HIPK2: variants seen among roughly 807,000 people sequenced by gnomAD.
HIPK2 encodes the protein homeodomain interacting protein kinase 2, also known as homeodomain-interacting protein kinase 2.
HIPK2 carries 27 observed loss-of-function variants against 113.7 expected under a neutral mutation model. The ratio of observed to expected loss-of-function variants is 0.24; its 90% CI spans 0.17 to 0.33. The LOEUF is 0.33. HIPK2 is among the 10% of genes least tolerant of loss of function. The pLI is 1.00. For missense variants in HIPK2, 1,257 were observed against 1,588.0 expected, an observed-to-expected ratio of 0.79 and a Z score of 3.54; for synonymous variants, 631 against 642.2, an observed-to-expected ratio of 0.98 and a Z score of 0.26.
intron 2 of HIPK2, among the ~76,000 whole-genome samples, chr7:139,680,215 T>G (rs1209318070): frequency 4.6e-5 from 7 of 152,160 alleles, no homozygotes; most frequent in African/African-American, 1.7e-4. Context: ...CCCTGGACTG[T>G]TTGTGTTGGA....
chr7:139,774,890 C>G (rs981958685), intron 1 of HIPK2, among the ~76,000 whole-genome samples: 2 of 152,180 alleles, frequency 1.3e-5, no homozygotes, highest in East Asian at 3.8e-4. Context: ...AACTAACATG[C>G]TATTTATAAA....
chr7:139,637,911 T>A (rs1800865192), intron 2 of HIPK2, among the ~76,000 whole-genome samples: 1 of 151,846 alleles, frequency 6.6e-6, no homozygotes, highest in Admixed American at 6.6e-5. Flanking sequence ...CGGCTCACAC[T>A]CACCACAGCA....
intron 1 of HIPK2, among the ~76,000 whole-genome samples, chr7:139,762,560 C>T (rs184927672): frequency 3.8e-3 from 576 of 152,328 alleles, no homozygotes; most frequent in Non-Finnish European, 6.1e-3. Context: ...TACGGATACA[C>T]GTGCACACCC....
intron 13 of HIPK2, among the ~76,000 whole-genome samples, chr7:139,578,448 G>A (rs1172838880): frequency 6.6e-6 from 1 of 151,968 alleles, no homozygotes; most frequent in Non-Finnish European, 1.5e-5. Context: ...GCCCAGCCAT[G>A]GTACTGATTC....
rs1409963732 is a variant in HIPK2, at chr7:139,561,856, CTAT to C, written c.*11068_*11070del. On this transcript the variant is annotated 3_prime_UTR_variant, in exon 15 of 15. Transcript: ENST00000406875. ...AAAATCATCTCATAAATTTACAATG[CTAT>C]TATTAGTTTCCAAGACTAATATAAA... 6.6e-6 allele frequency: 1 copy of C among 151,400 alleles called. No individual in the cohort carries two copies. The highest frequency in any genetic ancestry group is 1.5e-5 in the Non-Finnish European group (1 of 67,946). 9.4% of individuals were successfully genotyped at this position (151,400 alleles called of 1,614,324 possible).
At chr7:139,762,515 C>T (rs1045072499) in intron 1 of HIPK2, among the ~76,000 whole-genome samples, 9 of 152,206 alleles carry the variant, frequency 5.9e-5, no homozygotes, top group African/African-American at 1.2e-4. Context: ...TATACCTGTT[C>T]GCAGAGTGTC....
chr7:139,762,337 GCAAA>G (rs1796478939), intron 1 of HIPK2, among the ~76,000 whole-genome samples: 1 of 152,222 alleles, frequency 6.6e-6, no homozygotes, highest in African/African-American at 2.4e-5. Context: ...AGAAACAAGA[GCAAA>G]GTCAATTTTT....
chr7:139,614,936 G>A (rs950327025), intron 7 of HIPK2, among the ~76,000 whole-genome samples: 3 of 152,240 alleles, frequency 2.0e-5, no homozygotes, highest in Non-Finnish European at 4.4e-5. Flanking sequence ...CTGACACATG[G>A]TGACAGGGAG....
intron 12 of HIPK2, among the ~76,000 whole-genome samples, chr7:139,584,335 C>T (rs1798767902): frequency 6.6e-6 from 1 of 152,168 alleles, no homozygotes. Flanking sequence ...TCCGGGCTGG[C>T]CTGGGCTCTT....
At chr7:139,593,446 G>C (rs1415977939) in intron 12 of HIPK2, among the ~76,000 whole-genome samples, 5 of 152,240 alleles carry the variant, frequency 3.3e-5, no homozygotes, top group Non-Finnish European at 7.3e-5. Context: ...CCAGCCATCT[G>C]CTGTGCAACC....
intron 2 of HIPK2, among the ~76,000 whole-genome samples, chr7:139,649,585 G>C (rs375604148): frequency 7.9e-5 from 12 of 152,030 alleles, no homozygotes; most frequent in East Asian, 5.8e-4. Context: ...TAGAATTCGG[G>C]GGGGTGGTTT....
At chr7:139,643,680 G>A (rs929417076) in intron 2 of HIPK2, among the ~76,000 whole-genome samples, 5 of 152,106 alleles carry the variant, frequency 3.3e-5, no homozygotes, top group Non-Finnish European at 5.9e-5. Flanking sequence ...CCACCTAAAC[G>A]ATATTGACTT....
chr7:139,658,230 C>T (rs1801740347), intron 2 of HIPK2, among the ~76,000 whole-genome samples: 2 of 151,698 alleles, frequency 1.3e-5, no homozygotes, highest in Non-Finnish European at 2.9e-5. Context: ...CACTTGAACC[C>T]AGGAGGCGGA....
intron 2 of HIPK2, among the ~76,000 whole-genome samples, chr7:139,653,114 T>C (rs1465449502): frequency 1.7e-5 from 2 of 119,896 alleles, no homozygotes; most frequent in Non-Finnish European, 3.2e-5. Context: ...TACTCCAGCC[T>C]GGGTGACAGA....
chr7:139,717,682 T>C (rs1208367827), intron 1 of HIPK2, among the ~76,000 whole-genome samples: 1 of 152,214 alleles, frequency 6.6e-6, no homozygotes. Flanking sequence ...CGCTTCCTGC[T>C]AAATTCATAT....
At chr7:139,573,671 G>C (rs1182086585) in intron 14 of HIPK2, among the ~76,000 whole-genome samples, 1 of 151,932 alleles carries the variant, frequency 6.6e-6, no homozygotes, top group African/African-American at 2.4e-5. Flanking sequence ...GTGAAACCCC[G>C]TCTCTACTAA....
At chr7:139,705,506 A>G (rs1197591925) in intron 2 of HIPK2, among the ~76,000 whole-genome samples, 1 of 151,902 alleles carries the variant, frequency 6.6e-6, no homozygotes, top group Non-Finnish European at 1.5e-5. Flanking sequence ...CCTCCTGAGT[A>G]GCTGGGACTA....
At chr7:139,777,494 G>T in intron 1 of HIPK2, 111 bp downstream of exon 1, 1 of 312,866 alleles carries the variant, frequency 3.2e-6, no homozygotes, top group Non-Finnish European at 4.7e-6. Context: ...GCCCCGGGTG[G>T]GGGCTGGGGC....
rs1801247880 is a variant in HIPK2, at chr7:139,646,780, G to A, written c.1104-15055C>T. On this transcript the variant is annotated intron_variant, in intron 2 of 14. Coordinates refer to ENST00000406875, the MANE Select transcript of HIPK2 (RefSeq NM_022740.5). ...TGTCACACATCAGCTGGGGCTTTGG[G>A]TGGAGAAGGGAAGAAAGGAAGGCAG... Among the ~76,000 whole-genome samples, 7 of 152,290 alleles carry A rather than the reference G, an allele frequency of 4.6e-5. 1 individual carries two copies. In the South Asian group the frequency reaches 1.5e-3, roughly 32 times the overall value.
Sources: gnomAD v4.1 joint callset for allele counts (sites outside exome capture counted in the v4.1 genomes callset) on GRCh38, gnomAD v4.1.1 for gene constraint, MANE v1.5 for transcripts, NCBI Gene and HGNC (gene_info 2026-07-23, HGNC 2026-07-21) for gene names.